CSRNP3: variants seen among roughly 807,000 people sequenced by gnomAD.
The protein encoded by CSRNP3 is cysteine and serine rich nuclear protein 3, also known as cysteine/serine-rich nuclear protein 3.
Under a neutral mutation model 48.0 loss-of-function variants are expected in CSRNP3, and 12 were observed. That is an observed-to-expected ratio of 0.25 (90% CI 0.16 to 0.41). The LOEUF is 0.41. Ranked by LOEUF, CSRNP3 falls within the 10% of genes least tolerant of loss-of-function variation. The pLI, the probability that CSRNP3 is intolerant of heterozygous loss-of-function variation, is 1.00. For synonymous variants in CSRNP3, 263 were observed against 269.7 expected (o/e 0.98, Z 0.24); for missense variants, 580 against 724.4 (o/e 0.80, Z 2.29).
At chr2:165,532,759 G>A (rs1478264055) in intron 3 of CSRNP3, among the ~76,000 whole-genome samples, 2 of 152,082 alleles carry the variant, frequency 1.3e-5, no homozygotes, top group African/African-American at 4.8e-5. Context: ...AGGAAAAGAG[G>A]AAGTCAAATT....
chr2:165,550,305 C>CT (rs1685081017), intron 3 of CSRNP3, among the ~76,000 whole-genome samples: 1 of 152,102 alleles, frequency 6.6e-6, no homozygotes, highest in Non-Finnish European at 1.5e-5. Context: ...AAATAAGACT[C>CT]TATTTTAGAG....
At chr2:165,483,455 C>T (rs1684074531) in intron 1 of CSRNP3, among the ~76,000 whole-genome samples, 1 of 152,122 alleles carries the variant, frequency 6.6e-6, no homozygotes, top group Non-Finnish European at 1.5e-5. Context: ...AAATTAATAA[C>T]TTACAATTTT....
At chr2:165,528,679 G>A (rs1405005671) in intron 3 of CSRNP3, among the ~76,000 whole-genome samples, 1 of 152,060 alleles carries the variant, frequency 6.6e-6, no homozygotes, top group Non-Finnish European at 1.5e-5. Flanking sequence ...TTATTCTATT[G>A]GTCAATTTTT....
At chr2:165,676,231 G>A (rs1687421118) in intron 5 of CSRNP3, 81 bp from the exon 6 acceptor site, 2 of 1,011,356 alleles carry the variant, frequency 2.0e-6, no homozygotes, top group South Asian at 1.5e-5. Context: ...ATATATAATA[G>A]TTCATTCTCA....
chr2:165,491,263 C>T, intron 1 of CSRNP3, among the ~76,000 whole-genome samples: 1 of 53,312 alleles, frequency 1.9e-5, no homozygotes. Context: ...TCATCTCACA[C>T]CAGTTAGAAT....
At chr2:165,599,829 T>A (rs1391916881) in intron 4 of CSRNP3, among the ~76,000 whole-genome samples, 1 of 152,164 alleles carries the variant, frequency 6.6e-6, no homozygotes, top group Non-Finnish European at 1.5e-5. Context: ...TTTCTTTACT[T>A]TTTTTTACTT....
At chr2:165,473,305 T>C (rs569122085) in intron 1 of CSRNP3, among the ~76,000 whole-genome samples, 1 of 152,184 alleles carries the variant, frequency 6.6e-6, no homozygotes, top group East Asian at 1.9e-4. Context: ...ACTTAATTAC[T>C]TCCCCTATAA....
chr2:165,470,086 A>G (rs1256915191), intron 1 of CSRNP3, among the ~76,000 whole-genome samples: 1 of 152,162 alleles, frequency 6.6e-6, no homozygotes, highest in Admixed American at 6.6e-5. Flanking sequence ...TAGGAATCGC[A>G]GGAAGGATGA....
chr2:165,602,742 CT>C (rs1421234499), intron 4 of CSRNP3, among the ~76,000 whole-genome samples: 3 of 152,122 alleles, frequency 2.0e-5, no homozygotes, highest in African/African-American at 7.2e-5. Context: ...ACAGAAATAT[CT>C]TTTTTTCCTC....
intron 3 of CSRNP3, among the ~76,000 whole-genome samples, chr2:165,560,941 C>CA (rs910668926): frequency 1.1e-4 from 17 of 151,724 alleles, no homozygotes; most frequent in South Asian, 4.1e-4. Context: ...ATTTGAGAAG[C>CA]AAAAAAATGC....
At chr2:165,522,587 G>A (rs1402705420) in intron 3 of CSRNP3, among the ~76,000 whole-genome samples, 2 of 151,856 alleles carry the variant, frequency 1.3e-5, no homozygotes, top group African/African-American at 4.8e-5. Context: ...CAATCATTGG[G>A]GTGATTACAT....
intron 2 of CSRNP3, among the ~76,000 whole-genome samples, chr2:165,511,893 C>A (rs982083347): frequency 9.9e-5 from 15 of 152,078 alleles, no homozygotes; most frequent in Non-Finnish European, 1.6e-4. Context: ...AGGTTCATAG[C>A]AGGAGGAGAA....
chr2:165,573,022 T>A (rs577118133), intron 3 of CSRNP3, among the ~76,000 whole-genome samples: 255 of 152,218 alleles, frequency 1.7e-3, no homozygotes, highest in African/African-American at 5.8e-3. Flanking sequence ...TTGATGTGTG[T>A]TAGTATACTG....
chr2:165,609,767 C>T (rs1488829005), intron 4 of CSRNP3, among the ~76,000 whole-genome samples: 1 of 152,050 alleles, frequency 6.6e-6, no homozygotes, highest in African/African-American at 2.4e-5. Flanking sequence ...ACAAAAGAGA[C>T]ATGTGACAGT....
chr2:165,494,122 C>T (rs1408705616), intron 1 of CSRNP3, among the ~76,000 whole-genome samples: 1 of 152,090 alleles, frequency 6.6e-6, no homozygotes, highest in African/African-American at 2.4e-5. Context: ...GATTTAAGGA[C>T]TCTGGTTTAC....
At chr2:165,527,075 C>A (rs975682495) in intron 3 of CSRNP3, among the ~76,000 whole-genome samples, 2 of 151,736 alleles carry the variant, frequency 1.3e-5, no homozygotes. Flanking sequence ...AAAAGTAAAC[C>A]TTCTGAGGTA....
chr2:165,545,840 A>G (rs566713122), intron 3 of CSRNP3, among the ~76,000 whole-genome samples: 64 of 152,332 alleles, frequency 4.2e-4, no homozygotes, highest in Admixed American at 7.2e-4. Context: ...GATCTTAAAG[A>G]GAGAAATAGA....
intron 1 of CSRNP3, among the ~76,000 whole-genome samples, chr2:165,479,322 G>T (rs1275088274): frequency 1.3e-5 from 2 of 152,098 alleles, no homozygotes; most frequent in Non-Finnish European, 2.9e-5. Context: ...CAAGCAGTGA[G>T]ATATCAAAAG....
At chr2:165,499,910 G>A (rs1056457225) in intron 2 of CSRNP3, among the ~76,000 whole-genome samples, 1 of 151,940 alleles carries the variant, frequency 6.6e-6, no homozygotes, top group Non-Finnish European at 1.5e-5. Context: ...TAAGGGAGTA[G>A]TAGTAAAGAC....
Sources: gnomAD v4.1 joint callset for allele counts (sites outside exome capture counted in the v4.1 genomes callset) on GRCh38, gnomAD v4.1.1 for gene constraint, MANE v1.5 for transcripts, NCBI Gene and HGNC (gene_info 2026-07-23, HGNC 2026-07-21) for gene names.